Variants in SLC35F3 observed in about 807,000 individuals in gnomAD.
SLC35F3 encodes the protein solute carrier family 35 member F3, also known as putative thiamine transporter SLC35F3.
SLC35F3 carries 25 observed loss-of-function variants against 49.9 expected under a neutral mutation model. The ratio of observed to expected loss-of-function variants is 0.50; its 90% confidence interval spans 0.37 to 0.70. The LOEUF (loss-of-function observed/expected upper bound fraction) is 0.70, where lower values mean the gene tolerates loss of function less well. Ranked by LOEUF, SLC35F3 falls within the 30% of genes least tolerant of loss-of-function variation. The pLI is 0.00. For missense variants in SLC35F3, 525 were observed against 639.8 expected (o/e 0.82, Z 1.94); for synonymous variants, 275 against 265.4 (o/e 1.04, Z -0.35).
chr1:233,957,501 C>T lies in SLC35F3; in HGVS notation c.283+51743C>T, dbSNP rs191246166. Among the ~76,000 whole-genome samples the T allele has an allele frequency of 6.6e-6, 1 of 152,260 alleles. No individual in the cohort carries two copies. The highest frequency in any genetic ancestry group is 1.9e-4 in the East Asian group (1 of 5,170). ...TCAGTTGGCTCTAGCTCCATAATTA[C>T]ATCAAAATTTAGTGGCATAAATACA... On this transcript the variant is annotated intron_variant, in intron 2 of 7. Transcript: ENST00000366618. This position sits in a 1 kb window ranked among gnomAD's most constrained non-coding sequence, Gnocchi z 4.0.
At chr1:234,105,781 G>A (rs1665276222) in intron 2 of SLC35F3, among the ~76,000 whole-genome samples, 1 of 152,180 alleles carries the variant, frequency 6.6e-6, no homozygotes, top group Non-Finnish European at 1.5e-5. Context: ...CTCCCTGGAG[G>A]AGTATTGTCC....
rs553554186 is a variant in SLC35F3, at chr1:234,155,502, C to T, written c.284-75915C>T. Reference sequence around the variant, plus strand: ...TTGGCTCACTGCAACTTCTGACTCCCGGGTTGAAGCGATTCTCCTGCCTCA... The same window carrying T: ...TTGGCTCACTGCAACTTCTGACTCCTGGGTTGAAGCGATTCTCCTGCCTCA... On this transcript the variant is annotated intron_variant, in intron 2 of 7. Transcript: ENST00000366618. Among the ~76,000 whole-genome samples, 5 of 151,922 alleles carry T rather than the reference C, an allele frequency of 3.3e-5. No homozygotes were observed. The South Asian group carries it at 8.3e-4, about 25-fold the overall frequency.
At chr1:234,290,499 A>G (rs620921) in intron 3 of SLC35F3, among the ~76,000 whole-genome samples, 116,865 of 151,842 alleles carry the variant, frequency 0.77, 45,142 homozygotes, top group South Asian at 0.88. Context: ...GGTTAACCTC[A>G]GTGCACTTGC....
intron 2 of SLC35F3, among the ~76,000 whole-genome samples, chr1:233,985,026 C>A (rs1299907024): frequency 6.6e-6 from 1 of 152,066 alleles, no homozygotes; most frequent in Non-Finnish European, 1.5e-5. Flanking sequence ...GGGGGGTGCC[C>A]CTAAGAGGGG....
chr1:234,050,616 T>C (rs1465921191), intron 2 of SLC35F3, among the ~76,000 whole-genome samples: 2 of 152,238 alleles, frequency 1.3e-5, no homozygotes, highest in Non-Finnish European at 2.9e-5. Flanking sequence ...TAGTTTCTTT[T>C]GCTGTGCAGA....
chr1:233,922,380 C>T (rs974456012), intron 2 of SLC35F3, among the ~76,000 whole-genome samples: 8 of 151,906 alleles, frequency 5.3e-5, no homozygotes, highest in African/African-American at 1.9e-4. Context: ...ATTTGCATTT[C>T]TCTGATGGCC....
At chr1:233,984,500 T>A (rs1663236234) in intron 2 of SLC35F3, among the ~76,000 whole-genome samples, 1 of 152,158 alleles carries the variant, frequency 6.6e-6, no homozygotes, top group South Asian at 2.1e-4. Context: ...AAATTGCAAA[T>A]CAATACGTGG....
At chr1:233,939,619 G>A (rs1008467718) in intron 2 of SLC35F3, among the ~76,000 whole-genome samples, 1 of 152,188 alleles carries the variant, frequency 6.6e-6, no homozygotes, top group Non-Finnish European at 1.5e-5. Flanking sequence ...ACATGATTAT[G>A]AACGGCTGTG....
chr1:234,030,523 A>T (rs1664046542), intron 2 of SLC35F3, among the ~76,000 whole-genome samples: 1 of 152,144 alleles, frequency 6.6e-6, no homozygotes, highest in Admixed American at 6.5e-5. Flanking sequence ...GGGCCAGTTG[A>T]TTATTTTACA....
At chr1:234,178,573 C>T (rs574490475) in intron 2 of SLC35F3, among the ~76,000 whole-genome samples, 1 of 152,178 alleles carries the variant, frequency 6.6e-6, no homozygotes, top group Non-Finnish European at 1.5e-5. Flanking sequence ...ACACTGTCAG[C>T]ATCCCCCAGT....
intron 2 of SLC35F3, among the ~76,000 whole-genome samples, chr1:234,002,205 C>A (rs1044293837): frequency 6.6e-6 from 1 of 152,152 alleles, no homozygotes; most frequent in African/African-American, 2.4e-5. Context: ...CCCAGTTTCC[C>A]TATTATTAAC....
chr1:234,125,990 C>T (rs914250608), intron 2 of SLC35F3, among the ~76,000 whole-genome samples: 2 of 152,216 alleles, frequency 1.3e-5, no homozygotes, highest in Non-Finnish European at 2.9e-5. Context: ...AGCTCCGCCG[C>T]TCTAGGGTCA....
intron 2 of SLC35F3, among the ~76,000 whole-genome samples, chr1:234,083,755 A>G (rs1193867320): frequency 3.9e-5 from 6 of 152,046 alleles, no homozygotes; most frequent in South Asian, 4.2e-4. Context: ...CTTGCTGTCA[A>G]TTTACCACTT....
intron 2 of SLC35F3, among the ~76,000 whole-genome samples, chr1:234,073,361 G>T (rs536153268): frequency 6.6e-6 from 1 of 152,224 alleles, no homozygotes; most frequent in East Asian, 1.9e-4. Flanking sequence ...ACACAGACTG[G>T]TCCTGAAATC....
At chr1:234,099,621 A>AC (rs963828170) in intron 2 of SLC35F3, among the ~76,000 whole-genome samples, 9 of 150,478 alleles carry the variant, frequency 6.0e-5, no homozygotes, top group Non-Finnish European at 8.8e-5. Context: ...AAAAAAAAAA[A>AC]AAAAAACAAA....
At chr1:234,260,639 C>A (rs1052952173) in intron 3 of SLC35F3, among the ~76,000 whole-genome samples, 1 of 152,198 alleles carries the variant, frequency 6.6e-6, no homozygotes, top group African/African-American at 2.4e-5. Flanking sequence ...TATCTTAATA[C>A]TATGGACAGC....
intron 2 of SLC35F3, among the ~76,000 whole-genome samples, chr1:233,951,606 T>A (rs1662609044): frequency 6.6e-6 from 1 of 152,084 alleles, no homozygotes; most frequent in Non-Finnish European, 1.5e-5. Flanking sequence ...GGAATGGGGG[T>A]GCACCAGCAG....
intron 2 of SLC35F3, among the ~76,000 whole-genome samples, chr1:233,944,733 G>A (rs149767337): frequency 8.5e-5 from 13 of 152,312 alleles, no homozygotes; most frequent in African/African-American, 2.9e-4. Context: ...TAACAGCAGA[G>A]GAGAAACAAA....
intron 2 of SLC35F3, among the ~76,000 whole-genome samples, chr1:234,117,425 C>T (rs1259997676): frequency 6.6e-6 from 1 of 152,028 alleles, no homozygotes; most frequent in Admixed American, 6.5e-5. Flanking sequence ...AATCCTGTCT[C>T]TACTAAAAAT....
Sources: gnomAD v4.1 joint callset for allele counts (sites outside exome capture counted in the v4.1 genomes callset) on GRCh38, gnomAD v4.1.1 for gene constraint, Gnocchi (gnomAD v3.1) non-coding constraint, MANE v1.5 for transcripts, NCBI Gene and HGNC (gene_info 2026-07-23, HGNC 2026-07-21) for gene names.